The following ARHGAP17 variants were observed in gnomAD, a reference collection of about 807,000 sequenced individuals.
ARHGAP17 encodes the protein Rho GTPase activating protein 17.
ARHGAP17 carries 57 observed loss-of-function variants against 99.5 expected under a neutral mutation model. The ratio of observed to expected loss-of-function variants is 0.57; its 90% CI spans 0.46 to 0.71. ARHGAP17 has a LOEUF of 0.71. Ranked by LOEUF, ARHGAP17 falls within the 30% of genes least tolerant of loss-of-function variation. ARHGAP17 has a pLI of 0.00. For synonymous variants in ARHGAP17, 417 were observed against 429.6 expected (o/e 0.97, Z 0.36); for missense variants, 1,000 against 1,122.4 (o/e 0.89, Z 1.56).
intron 1 of ARHGAP17, among the ~76,000 whole-genome samples, chr16:24,992,324 C>T (rs752538478): frequency 1.3e-5 from 2 of 152,046 alleles, no homozygotes; most frequent in Non-Finnish European, 2.9e-5. Flanking sequence ...TGACACATAG[C>T]TATTTTTTCT....
intron 19 of ARHGAP17, among the ~76,000 whole-genome samples, chr16:24,925,624 C>T (rs1347152230): frequency 1.3e-5 from 2 of 152,128 alleles, no homozygotes; most frequent in Non-Finnish European, 2.9e-5. Flanking sequence ...GAAACAGAAG[C>T]CACTTAAATA....
chr16:24,942,712 G>A (rs766326623), intron 15 of ARHGAP17, among the ~76,000 whole-genome samples: 1 of 151,430 alleles, frequency 6.6e-6, no homozygotes, highest in Non-Finnish European at 1.5e-5. Flanking sequence ...AGGTTGCAGT[G>A]GGCCGAGATC....
At chr16:24,956,084 A>G (rs138842282) in intron 9 of ARHGAP17, 5 of 152,322 alleles carry the variant, frequency 3.3e-5, no homozygotes, top group East Asian at 1.9e-4. Flanking sequence ...ATCTAAAGCA[A>G]TAAGTTACAA....
At chr16:24,947,403 T>C in intron 14 of ARHGAP17, 79 bp downstream of exon 14, 1 of 1,264,112 alleles carries the variant, frequency 7.9e-7, no homozygotes, top group South Asian at 1.3e-5. Flanking sequence ...AACTAGAATG[T>C]GTAACCTGAG....
chr16:25,013,258 G>A lies in ARHGAP17; in HGVS notation c.53+1951C>T, dbSNP rs2053688658. ...TGGGAGAGGCTTCCAGGAGTTCCAA[G>A]TAGATGCTAGCAGGTAAGAAAGCAA... On this transcript the variant is annotated intron_variant, in intron 1 of 19. Transcript: ENST00000289968. Among the ~76,000 whole-genome samples, 3 of 152,278 alleles carry A rather than the reference G, an allele frequency of 2.0e-5. No individual in the cohort carries two copies. The South Asian group carries it at 6.2e-4, about 32-fold the overall frequency.
intron 1 of ARHGAP17, among the ~76,000 whole-genome samples, chr16:24,986,687 C>A (rs1006081133): frequency 1.3e-5 from 2 of 152,212 alleles, no homozygotes; most frequent in African/African-American, 4.8e-5. Flanking sequence ...TGTTATCCAG[C>A]CATTTACAGA....
At chr16:24,925,039 G>T (rs1437236474) in intron 19 of ARHGAP17, among the ~76,000 whole-genome samples, 1 of 151,950 alleles carries the variant, frequency 6.6e-6, no homozygotes, top group Non-Finnish European at 1.5e-5. Context: ...CCTCACCCAA[G>T]GATATACACA....
In ARHGAP17 at chr16:24,959,906, C is replaced by T. The variant is rs1200530800; in HGVS notation, c.642+5G>A. ...TTTAACATTTTCTCAAGGGAAGGTGCTTACCGTAACAAAGAATTTGCCATA... is the reference window on the plus strand; with the variant it reads ...TTTAACATTTTCTCAAGGGAAGGTGTTTACCGTAACAAAGAATTTGCCATA... On this transcript the variant is annotated splice_donor_5th_base_variant and intron_variant, in intron 8 of 19. Coordinates refer to ENST00000289968, the MANE Select transcript of ARHGAP17 (RefSeq NM_001006634.3). 1 of 1,613,798 alleles carries T rather than the reference C, an allele frequency of 6.2e-7. No homozygotes were observed. Among genetic ancestry groups the T allele is most frequent in the South Asian group, 1.1e-5 (1 of 91,024 alleles).
At chr16:24,934,952 G>A (rs1597369645) in intron 18 of ARHGAP17, among the ~76,000 whole-genome samples, 1 of 152,322 alleles carries the variant, frequency 6.6e-6, no homozygotes. Context: ...AGAACCCAGG[G>A]TGAGAAGTTC....
intron 1 of ARHGAP17, among the ~76,000 whole-genome samples, chr16:24,993,185 T>C (rs895963671): frequency 3.3e-5 from 5 of 152,190 alleles, no homozygotes; most frequent in African/African-American, 7.2e-5. Flanking sequence ...AAAAAATTAA[T>C]AGTAATATTT....
intron 19 of ARHGAP17, chr16:24,927,571 G>A (rs980462584): frequency 7.7e-5 from 25 of 326,514 alleles, no homozygotes; most frequent in Admixed American, 1.7e-4. Flanking sequence ...TGCACTATTA[G>A]TAGGGATGCA....
chr16:24,954,486 C>T (rs1192778653), intron 10 of ARHGAP17, 117 bp downstream of exon 10: 44 of 1,397,050 alleles, frequency 3.1e-5, no homozygotes, highest in East Asian at 1.4e-4. Context: ...CTACACAAAA[C>T]GGACAATGGC....
At chr16:24,960,489 G>A (rs1220740625) in intron 7 of ARHGAP17, among the ~76,000 whole-genome samples, 2 of 152,064 alleles carry the variant, frequency 1.3e-5, no homozygotes, top group African/African-American at 2.4e-5. Context: ...TGGTTGCAGT[G>A]AGCTGAGATC....
At chr16:24,952,094 G>A (rs927006502) in intron 12 of ARHGAP17, among the ~76,000 whole-genome samples, 195 bp downstream of exon 12, 5 of 152,134 alleles carry the variant, frequency 3.3e-5, no homozygotes, top group South Asian at 2.1e-4. Flanking sequence ...CAATGCCTAC[G>A]TGGTGACTTT....
In ARHGAP17 at chr16:24,947,474, T is replaced by C; in HGVS notation, c.1241+8A>G. On this transcript the variant is annotated splice_region_variant and intron_variant, in intron 14 of 19. Coordinates refer to ENST00000289968, the MANE Select transcript of ARHGAP17 (RefSeq NM_001006634.3). The stretch of plus-strand genomic sequence containing the variant: ...GAAATTCAAATGATACAGAGAAAGA[T>C]GACTTACCCTTCATTTCTGGCCCAT... The C allele has an allele frequency of 1.9e-6, 3 of 1,607,148 alleles. No homozygotes were observed. The highest frequency in any genetic ancestry group is 2.6e-6 in the Non-Finnish European group (3 of 1,174,630).
intron 1 of ARHGAP17, chr16:25,013,811 C>G (rs559700671): frequency 6.6e-6 from 1 of 152,208 alleles, no homozygotes; most frequent in Non-Finnish European, 1.5e-5. Context: ...TTACTAAATA[C>G]TAGTTCCACA....
At chr16:24,944,389 A>G (rs1230510192) in intron 14 of ARHGAP17, among the ~76,000 whole-genome samples, 5 of 152,118 alleles carry the variant, frequency 3.3e-5, no homozygotes, top group Non-Finnish European at 4.4e-5. Flanking sequence ...TAACAACCAC[A>G]GTGTCTGCTA....
chr16:24,924,386 A>T (rs28510865), intron 19 of ARHGAP17, among the ~76,000 whole-genome samples: 6,860 of 151,910 alleles, frequency 0.045, 372 homozygotes, highest in African/African-American at 0.13. Context: ...TTTCAAAATT[A>T]AAAAAAAGCA....
intron 1 of ARHGAP17, among the ~76,000 whole-genome samples, chr16:24,981,547 A>C (rs1246196456): frequency 6.6e-6 from 1 of 152,206 alleles, no homozygotes. Context: ...TAGTTTACAC[A>C]TATTACTTAT....
Sources: gnomAD v4.1 joint callset for allele counts (sites outside exome capture counted in the v4.1 genomes callset) on GRCh38, gnomAD v4.1.1 for gene constraint, MANE v1.5 for transcripts, NCBI Gene and HGNC (gene_info 2026-07-23, HGNC 2026-07-21) for gene names.